Variants in NOC4L observed in about 807,000 individuals in gnomAD.
The protein encoded by NOC4L is nucleolar complex protein 4 homolog.
In NOC4L, 40 loss-of-function variants were observed where a neutral mutation model predicts 62.8. That is an observed-to-expected ratio of 0.64 (90% confidence interval 0.49 to 0.83). NOC4L has a LOEUF of 0.83. NOC4L is among the 40% of genes least tolerant of loss of function. The probability of loss-of-function intolerance (pLI) is 0.00; values close to 1 mark genes in which losing one functional copy is unlikely to be tolerated. For missense variants in NOC4L, 927 were observed against 701.9 expected (o/e 1.32, Z -3.62); for synonymous variants, 433 against 299.8 (o/e 1.44, Z -4.59).
chr12:132,147,951 C>T lies in NOC4L; in HGVS notation c.675C>T (p.Thr225=), dbSNP rs755304546. Residue 225 remains threonine, a synonymous_variant, in exon 6 of 15, where the codon ACC becomes ACT. Coordinates refer to ENST00000330579, the MANE Select transcript of NOC4L (RefSeq NM_024078.3). ...TGAGCCTGCCCCGCCGGGAGCCCAC[C>T]GTCTCCAGCTTCTATGTGAAGCGGG... The part of the protein sequence containing the change: ...SAVSLPRREP[T]VSSFYVKRAE... 2.5e-5 allele frequency: 41 copies of T among 1,608,936 alleles called. 1 individual carries two copies. The highest frequency in any genetic ancestry group is 1.2e-4 in the South Asian group (11 of 90,576).
At chr12:132,148,936 CTCG>C (rs1250208826) in intron 9 of NOC4L, 41 bp downstream of exon 9, 1 of 550,804 alleles carries the variant, frequency 1.8e-6, no homozygotes, top group African/African-American at 2.2e-5. Context: ...CCCTAATCCC[CTCG>C]GTGAGTGCCG....
rs750947826 is a variant in NOC4L, at chr12:132,148,066, C to T, written c.704-6C>T. The T allele has an allele frequency of 5.0e-6, 8 of 1,613,398 alleles. No homozygotes were observed. In the African/African-American group the frequency reaches 9.3e-5, roughly 19 times the overall value. On this transcript the variant is annotated splice_region_variant and splice_polypyrimidine_tract_variant and intron_variant, in intron 6 of 14. Transcript: ENST00000330579. ...CAGGTGACCTTTGCCCTCGCTTTCCCTGCAGAGCTGTGGGACACCTGGAAG... is the reference window on the plus strand; with the variant it reads ...CAGGTGACCTTTGCCCTCGCTTTCCTTGCAGAGCTGTGGGACACCTGGAAG...
Position 132,145,567 on chromosome 12 carries a change from G to A in NOC4L, c.247G>A (p.Gly83Arg). The A allele has an allele frequency of 1.9e-6, 3 of 1,612,004 alleles. No homozygotes were observed. Among genetic ancestry groups the A allele is most frequent in the South Asian group, 2.2e-5 (2 of 91,000 alleles). ...SEEMVMTGSQ[G>R]ATRKYKVWMR... ...CCCTAACCTGTCTGCAGGGTCCCAG[G>A]GAGCCACACGGAAGTACAAGGTGTG... Residue 83 changes from glycine to arginine, a missense_variant, in exon 3 of 15, where the codon GGA becomes AGA. Coordinates refer to ENST00000330579, the MANE Select transcript of NOC4L (RefSeq NM_024078.3).
chr12:132,145,134 A>G (rs572560783), intron 2 of NOC4L, among the ~76,000 whole-genome samples, 160 bp downstream of exon 2: 5 of 152,354 alleles, frequency 3.3e-5, no homozygotes, highest in Admixed American at 6.5e-5. Flanking sequence ...GCGTTGGGGC[A>G]GGGGTGACAT....
At position 132,144,614 on chromosome 12, in the gene NOC4L, G is replaced by A. The variant is rs888491135; in HGVS notation, c.117+9G>A. 6.6e-7 allele frequency: 1 copy of A among 1,503,880 alleles called. No homozygotes were observed. Among genetic ancestry groups the A allele is most frequent in the East Asian group, 2.5e-5 (1 of 39,720 alleles). 93.2% of individuals were successfully genotyped at this position (1,503,880 alleles called of 1,614,324 possible). On this transcript the variant is annotated intron_variant, in intron 1 of 14. Transcript: ENST00000330579. ...TCCTGGCCGTGCTGCAGGTGGGCCT[G>A]GCGGCGTCGCAGGGCCGGAGTCGCG...
chr12:132,147,432 C>T (rs1897766668), intron 4 of NOC4L, 44 bp downstream of exon 4: 5 of 1,528,050 alleles, frequency 3.3e-6, no homozygotes, highest in Non-Finnish European at 4.4e-6. Context: ...GGCTGGCTGG[C>T]CAGATCCCAG....
At chr12:132,148,220 C>T (rs1018164614) in intron 7 of NOC4L, 114 bp downstream of exon 7, 2 of 1,101,796 alleles carry the variant, frequency 1.8e-6, no homozygotes, top group East Asian at 2.6e-5. Flanking sequence ...TCCCAGGGTA[C>T]AGGTGGCAGC....
At chr12:132,145,726 C>T (rs1897691659) in intron 3 of NOC4L, 61 bp downstream of exon 3, 4 of 1,225,262 alleles carry the variant, frequency 3.3e-6, no homozygotes, top group Non-Finnish European at 3.6e-6. Context: ...CCAGGTTATC[C>T]ACAAAGCAGA....
Position 132,148,607 on chromosome 12 carries a change from A to C in NOC4L, c.739-2A>C. ...GCGAGTGCAGTCTGGACCCCGTTGC[A>C]GGAGCACAGGAGGGTTTTCCAGGCC... On this transcript the variant is annotated splice_acceptor_variant, in intron 7 of 14. Transcript: ENST00000330579. LOFTEE classifies it high-confidence loss of function. The C allele has an allele frequency of 6.6e-7, 1 of 1,523,274 alleles. No homozygotes were observed. The allele number at this position is 1,523,274 out of a possible 1,614,324, so 94.4% of individuals were successfully genotyped here.
chr12:132,145,023 A>G (rs1441687031), intron 2 of NOC4L, 49 bp downstream of exon 2: 1 of 1,542,118 alleles, frequency 6.5e-7, no homozygotes. Flanking sequence ...CGTGGGTCGG[A>G]GGGAGGCTTT....
rs142840271 is a variant in NOC4L at position 132,148,190 on chromosome 12, C to G, written c.738+84C>G. Reference sequence around the variant, plus strand: ...ATGTGAGACCCCATGGAGGCTGCCGCCTTCCTCACCAGAGGAAACTCCCAG... The same window carrying G: ...ATGTGAGACCCCATGGAGGCTGCCGGCTTCCTCACCAGAGGAAACTCCCAG... On this transcript the variant is annotated intron_variant, in intron 7 of 14. Transcript: ENST00000330579. The G allele has an allele frequency of 1.5e-3, 2,045 of 1,408,106 alleles. 20 individuals carry two copies. In the African/African-American group the frequency reaches 0.025, roughly 17 times the overall value. 87.2% of individuals were successfully genotyped at this position (1,408,106 alleles called of 1,614,324 possible).
intron 13 of NOC4L, 111 bp from the exon 14 acceptor site, chr12:132,151,973 G>T (rs572178621): frequency 1.6e-6 from 2 of 1,260,334 alleles, no homozygotes; most frequent in Non-Finnish European, 2.2e-6. Context: ...GCCTTCTCAC[G>T]TGGCTCCGTC....
intron 9 of NOC4L, 169 bp from the exon 10 acceptor site, chr12:132,150,812 C>A (rs1210266052): frequency 1.6e-6 from 1 of 616,840 alleles, no homozygotes; most frequent in Non-Finnish European, 2.9e-6. Flanking sequence ...ACTGCCTCCA[C>A]CCCCCACTCC....
rs115468348 is a variant in NOC4L at position 132,151,935 on chromosome 12, A to G, written c.1317+115A>G. The stretch of plus-strand genomic sequence containing the variant: ...CCTCATGTTGCGTCCCCAGCTGGCC[A>G]CCTGGGTTTGTGGGTGCTGGGTGCT... On this transcript the variant is annotated intron_variant, in intron 13 of 14. Transcript: ENST00000330579. 2,154 of 1,281,570 alleles carry G rather than the reference A, an allele frequency of 1.7e-3. 21 individuals carry two copies. In the African/African-American group the frequency reaches 0.027, roughly 16 times the overall value. The allele number at this position is 1,281,570 out of a possible 1,614,324, so 79.4% of individuals were successfully genotyped here.
rs961174946 is a variant in NOC4L at position 132,151,528 on chromosome 12, C to T, written c.1118C>T (p.Ala373Val). ...YLVAAFAKRLARLALTAPPEA... is the reference protein window; with the variant it reads ...YLVAAFAKRLVRLALTAPPEA... ...GTGGCCGCCTTCGCCAAGCGGCTGG[C>T]CCGCCTGGCCCTGACGGCTCCCCCT... Residue 373 changes from alanine (A) to valine (V), a missense_variant, in exon 12 of 15, where the codon GCC (alanine) becomes GTC (valine). By Grantham distance (64) the Ala-to-Val change is moderately conservative. Coordinates refer to ENST00000330579, the MANE Select transcript of NOC4L (RefSeq NM_024078.3). The T allele has an allele frequency of 1.7e-5, 28 of 1,607,274 alleles. No homozygotes were observed. The highest frequency in any genetic ancestry group is 2.4e-5 in the Non-Finnish European group (28 of 1,179,034).
intron 5 of NOC4L, 42 bp downstream of exon 5, chr12:132,147,824 C>G (rs913053056): frequency 6.2e-7 from 1 of 1,610,776 alleles, no homozygotes; most frequent in Non-Finnish European, 8.5e-7. Flanking sequence ...GCTGTTGCCT[C>G]CCAGGGAGGC....
At position 132,151,252 on chromosome 12, in the gene NOC4L, C is replaced by A; in HGVS notation, c.963-6C>A. On this transcript the variant is annotated splice_polypyrimidine_tract_variant and splice_region_variant and intron_variant, in intron 10 of 14. Coordinates refer to ENST00000330579, the MANE Select transcript of NOC4L (RefSeq NM_024078.3). ...CCATCCGCTGCTCCTTCCCCCCGGC[C>A]CGCAGGGAGTACCCTGACTTCTACC... 6.2e-7 allele frequency: 1 copy of A among 1,609,088 alleles called. No homozygotes were observed. The highest frequency in any genetic ancestry group is 1.1e-5 in the South Asian group (1 of 91,034).
rs939066484 is a variant in NOC4L, at chr12:132,151,024, G to C, written c.945G>C (p.Leu315Phe). 2 of 1,611,300 alleles carry C rather than the reference G, an allele frequency of 1.2e-6. No individual in the cohort carries two copies. Among genetic ancestry groups the C allele is most frequent in the Admixed American group, 1.7e-5 (1 of 59,860 alleles). The change falls in exon 10 of 15, where the codon TTG (leucine) becomes TTC (phenylalanine). Residue 315 changes from leucine to phenylalanine, a missense_variant. Transcript: ENST00000330579. ...TGGCCTTGAACGGGCTGTTCATCTT[G>C]ATTCACAAACACAACCTGTGAGTGT... is the stretch of plus-strand genomic sequence containing the variant. ...SLLALNGLFI[L>F]IHKHNLEYPD...
In NOC4L at chr12:132,151,721, C is replaced by G. The variant is rs370317561; in HGVS notation, c.1235-17C>G. On this transcript the variant is annotated splice_polypyrimidine_tract_variant and intron_variant, in intron 12 of 14. Coordinates refer to ENST00000330579, the MANE Select transcript of NOC4L (RefSeq NM_024078.3). ...GGTGCTGTGGACGGCAGACAAGGGC[C>G]CACGTCTCATTCCTAGAGTTGGACG... 6 of 1,612,238 alleles carry G rather than the reference C, an allele frequency of 3.7e-6. No individual in the cohort carries two copies. In the African/African-American group the frequency reaches 8.0e-5, roughly 22 times the overall value.
Sources: allele counts gnomAD v4.1 joint callset (sites outside exome capture counted in the v4.1 genomes callset), GRCh38; gene constraint gnomAD v4.1.1; transcripts MANE v1.5; gene names NCBI Gene and HGNC (gene_info 2026-07-23, HGNC 2026-07-21).